Variants in MSTO1 observed in about 807,000 individuals in gnomAD.
MSTO1 encodes protein misato homolog 1.
MSTO1 carries 24 observed loss-of-function variants against 55.7 expected under a neutral mutation model. The ratio of observed to expected loss-of-function variants is 0.43; its 90% CI spans 0.31 to 0.61. The LOEUF is 0.61. Ranked by LOEUF, MSTO1 falls within the 20% of genes least tolerant of loss-of-function variation. The pLI is 0.09. For synonymous variants in MSTO1, 162 were observed against 252.8 expected, an observed-to-expected ratio of 0.64 and a Z score of 3.41; for missense variants, 363 against 625.7, an observed-to-expected ratio of 0.58 and a Z score of 4.48.
the MSTO1 span, among the ~76,000 whole-genome samples, chr1:155,565,477 A>T: frequency 6.6e-6 from 1 of 152,210 alleles, no homozygotes; most frequent in Non-Finnish European, 1.5e-5. Context: ...TTTACAAAAG[A>T]GAAGCCTGAG....
chr1:155,586,736 T>C, the MSTO1 span: 2 of 468,292 alleles, frequency 4.3e-6, no homozygotes, highest in South Asian at 3.2e-5. Flanking sequence ...TCTGAACACT[T>C]TGTGCATACT....
At chr1:155,602,700 A>G in the MSTO1 span, among the ~76,000 whole-genome samples, 1 of 152,076 alleles carries the variant, frequency 6.6e-6, no homozygotes, top group Admixed American at 6.6e-5. Context: ...TCATAACTTG[A>G]AACTCATTTA....
chr1:155,573,965 T>C, the MSTO1 span, among the ~76,000 whole-genome samples: 1 of 152,210 alleles, frequency 6.6e-6, no homozygotes, highest in Non-Finnish European at 1.5e-5. Flanking sequence ...TTTATACCTT[T>C]TGCAAAATTT....
At chr1:155,613,323 G>C in intron 11 of MSTO1, 90 bp downstream of exon 11, 2 of 1,575,258 alleles carry the variant, frequency 1.3e-6, no homozygotes, top group Non-Finnish European at 1.7e-6. Flanking sequence ...TAATGATACT[G>C]TTCCCTCCCC....
At chr1:155,605,081 C>T in the MSTO1 span, among the ~76,000 whole-genome samples, 61 of 151,860 alleles carry the variant, frequency 4.0e-4, no homozygotes, top group Non-Finnish European at 7.9e-4. Context: ...GCCAAAATGG[C>T]GAAACCCCAT....
chr1:155,588,761 G>A, the MSTO1 span, among the ~76,000 whole-genome samples: 1 of 152,128 alleles, frequency 6.6e-6, no homozygotes, highest in East Asian at 1.9e-4. Context: ...GTCAGCAGGA[G>A]ATCCTGAAAG....
chr1:155,593,667 T>C, the MSTO1 span, among the ~76,000 whole-genome samples: 1 of 152,094 alleles, frequency 6.6e-6, no homozygotes. Context: ...CACAAGGCAG[T>C]GTAATAAAAT....
chr1:155,608,618 G>A (rs1286873606), upstream of MSTO1, among the ~76,000 whole-genome samples: 1 of 141,824 alleles, frequency 7.1e-6, no homozygotes, highest in East Asian at 2.2e-4. Flanking sequence ...TCCTGCCTCC[G>A]CCTCCCAAGT....
At chr1:155,602,516 T>C in the MSTO1 span, among the ~76,000 whole-genome samples, 2 of 152,004 alleles carry the variant, frequency 1.3e-5, no homozygotes, top group Non-Finnish European at 2.9e-5. Flanking sequence ...AAACAACAAA[T>C]GAGTGCTTCC....
At chr1:155,605,718 G>A (rs567548657), upstream of MSTO1, among the ~76,000 whole-genome samples, 5 of 152,290 alleles carry the variant, frequency 3.3e-5, no homozygotes, top group African/African-American at 9.6e-5. Flanking sequence ...TCAAACTGCA[G>A]TGAGCTCTGA....
the MSTO1 span, among the ~76,000 whole-genome samples, chr1:155,587,492 C>A: frequency 6.6e-6 from 1 of 150,594 alleles, no homozygotes; most frequent in African/African-American, 2.4e-5. Flanking sequence ...GCCTGTAATC[C>A]CAGCACTTTG....
upstream of MSTO1, among the ~76,000 whole-genome samples, chr1:155,609,243 A>ATTTTTTTTTTT (rs1185140621): frequency 5.5e-5 from 3 of 54,590 alleles, no homozygotes; most frequent in African/African-American, 7.3e-5. Context: ...ATATATATAT[A>ATTTTTTTTTTT]TTTTTTTTTT....
At chr1:155,589,691 T>C in the MSTO1 span, among the ~76,000 whole-genome samples, 1 of 151,874 alleles carries the variant, frequency 6.6e-6, no homozygotes, top group Non-Finnish European at 1.5e-5. Context: ...GAGTCCAGTG[T>C]TCGAGGGCGG....
chr1:155,591,301 G>A, the MSTO1 span: 117 of 1,458,602 alleles, frequency 8.0e-5, no homozygotes, highest in African/African-American at 8.4e-4. Flanking sequence ...GGAGATATGC[G>A]AAATTCCTAG....
At chr1:155,570,329 G>A in the MSTO1 span, among the ~76,000 whole-genome samples, 1 of 152,176 alleles carries the variant, frequency 6.6e-6, no homozygotes, top group Non-Finnish European at 1.5e-5. Flanking sequence ...ACTGTTCTGA[G>A]TAACGTGATG....
chr1:155,602,154 C>G, the MSTO1 span: 1 of 708,090 alleles, frequency 1.4e-6, no homozygotes, highest in Non-Finnish European at 2.7e-6. Flanking sequence ...TTAGAGGTTT[C>G]AACCTAGCTG....
chr1:155,563,432 C>T, the MSTO1 span: 4 of 456,614 alleles, frequency 8.8e-6, no homozygotes, highest in South Asian at 1.5e-5. Context: ...CGGCGCGCCT[C>T]CGGGGGGATT....
intron 4 of MSTO1, 109 bp from the exon 5 acceptor site, chr1:155,611,440 T>C (rs779794583): frequency 1.2e-4 from 197 of 1,608,572 alleles, no homozygotes; most frequent in Non-Finnish European, 1.5e-5. Flanking sequence ...TGCGACTCGG[T>C]GAACAGAAAG....
the MSTO1 span, among the ~76,000 whole-genome samples, chr1:155,595,202 G>T: frequency 7.0e-6 from 1 of 141,850 alleles, no homozygotes; most frequent in Non-Finnish European, 1.5e-5. Context: ...TTTTGAGATG[G>T]AGTCTCGGTC....
Sources: gnomAD v4.1 joint callset for allele counts (sites outside exome capture counted in the v4.1 genomes callset) on GRCh38, gnomAD v4.1.1 for gene constraint, MANE v1.5 for transcripts, NCBI Gene and HGNC (gene_info 2026-07-23, HGNC 2026-07-21) for gene names.